ADARB2: variants seen among roughly 807,000 people sequenced by gnomAD.
The protein encoded by ADARB2 is adenosine deaminase RNA specific B2 (inactive).
A neutral mutation model predicts 62.2 loss-of-function variants in ADARB2; 25 were observed. The ratio of observed to expected loss-of-function variants is 0.40; its 90% CI spans 0.29 to 0.56. ADARB2 has a LOEUF of 0.56. Ranked by LOEUF, ADARB2 falls within the 20% of genes least tolerant of loss-of-function variation. The pLI is 0.43. For synonymous variants in ADARB2, 572 were observed against 500.8 expected (o/e 1.14, Z -1.90); for missense variants, 1,071 against 1,077.4 (o/e 0.99, Z 0.08).
intron 3 of ADARB2, among the ~76,000 whole-genome samples, chr10:1,288,649 T>C (rs1191486512): frequency 1.3e-5 from 2 of 152,210 alleles, no homozygotes; most frequent in Non-Finnish European, 2.9e-5. Flanking sequence ...GAGATGAGCC[T>C]GCAGGTAGGA....
At chr10:1,444,051 A>G (rs1830932910) in intron 1 of ADARB2, among the ~76,000 whole-genome samples, 1 of 149,584 alleles carries the variant, frequency 6.7e-6, no homozygotes, top group South Asian at 2.1e-4. Context: ...CTATCCATCC[A>G]TGCACCCACA....
At chr10:1,344,415 G>A (rs1832059589) in intron 3 of ADARB2, among the ~76,000 whole-genome samples, 1 of 152,202 alleles carries the variant, frequency 6.6e-6, no homozygotes, top group South Asian at 2.1e-4. Context: ...ATTTTTCCTG[G>A]TGTTGTTTGG....
intron 3 of ADARB2, among the ~76,000 whole-genome samples, chr10:1,337,988 G>A (rs1034597487): frequency 6.6e-6 from 1 of 152,162 alleles, no homozygotes; most frequent in Admixed American, 6.5e-5. Context: ...TGCTTCTCAT[G>A]GCATCATTTA....
chr10:1,671,688 G>A (rs1230898335), intron 1 of ADARB2, among the ~76,000 whole-genome samples: 1 of 151,960 alleles, frequency 6.6e-6, no homozygotes, highest in Non-Finnish European at 1.5e-5. Flanking sequence ...CAGAGCATCG[G>A]TGCCACCTTT....
chr10:1,242,229 G>A lies in ADARB2; in HGVS notation c.1263C>T (p.Leu421=), dbSNP rs1465736110. The A allele has an allele frequency of 6.2e-7, 1 of 1,602,770 alleles. No homozygotes were observed. The highest frequency in any genetic ancestry group is 8.5e-7 in the Non-Finnish European group (1 of 1,175,924). Residue 421 remains leucine, a synonymous_variant, in exon 5 of 10, where the codon CTC becomes CTT. Transcript: ENST00000381312. The part of the protein sequence containing the change: ...SGTKCISGEH[L]SDQGLVVNDC... ...CATTCACCACCAGCCCCTGGTCACT[G>A]AGGTGCTCGCCGCTGATGCACTTGG...
chr10:1,514,471 T>G (rs1208277089), intron 1 of ADARB2, among the ~76,000 whole-genome samples: 2 of 152,030 alleles, frequency 1.3e-5, no homozygotes, highest in Non-Finnish European at 2.9e-5. Flanking sequence ...ATGCCCATTA[T>G]CTGGGATGTA....
chr10:1,705,636 G>A (rs773488848), intron 1 of ADARB2, among the ~76,000 whole-genome samples: 10 of 152,172 alleles, frequency 6.6e-5, no homozygotes, highest in Non-Finnish European at 1.2e-4. Context: ...TGCAGGGTGC[G>A]GCAATTAAGG....
Position 1,737,228 on chromosome 10 carries a change from G to T in ADARB2, c.-78C>A. On this transcript the variant is annotated 5_prime_UTR_variant, in exon 1 of 10. Coordinates refer to ENST00000381312, the MANE Select transcript of ADARB2 (RefSeq NM_018702.4). ...TGCCTCCTTCCCGGCAGCCGCCGCC[G>T]CCGCTGCTGCGAAGCTTGAGGTTGC... The T allele has an allele frequency of 6.8e-7, 1 of 1,480,064 alleles. No homozygotes were observed. Among genetic ancestry groups the T allele is most frequent in the Non-Finnish European group, 9.3e-7 (1 of 1,075,012 alleles). 91.7% of individuals were successfully genotyped at this position (1,480,064 alleles called of 1,614,324 possible). A position where few individuals can be genotyped will look rare whatever the true frequency, so the allele number is the denominator to read the frequency against.
intron 3 of ADARB2, among the ~76,000 whole-genome samples, chr10:1,350,939 T>C (rs1224732283): frequency 2.6e-5 from 4 of 152,110 alleles, no homozygotes; most frequent in Admixed American, 6.5e-5. Context: ...ACCCCCGCCA[T>C]ATCTCCAGCA....
At chr10:1,676,346 A>G (rs150288979) in intron 1 of ADARB2, among the ~76,000 whole-genome samples, 89 of 152,296 alleles carry the variant, frequency 5.8e-4, no homozygotes, top group African/African-American at 2.1e-3. Flanking sequence ...GCTTCCTTAG[A>G]TAGTCCTGGC....
rs201610271 is a variant in ADARB2, at chr10:1,568,899, T to C, written c.100+168152A>G. On this transcript the variant is annotated intron_variant, in intron 1 of 9. Transcript: ENST00000381312. ...GAATCCCCCATTTGTCTTGAGCCTC[T>C]GTGGCTAGTTCAGTTCCCCAAGTGA... Among the ~76,000 whole-genome samples, 19 of 152,280 alleles carry C rather than the reference T, an allele frequency of 1.2e-4. No individual in the cohort carries two copies. In the East Asian group the frequency reaches 3.7e-3, roughly 29 times the overall value.
chr10:1,576,809 G>A lies in ADARB2; in HGVS notation c.100+160242C>T, dbSNP rs552086254. On this transcript the variant is annotated intron_variant, in intron 1 of 9. Transcript: ENST00000381312. ...GGCTGCAAAACACATTGAAGGTGGA[G>A]GATGAGGAGGGGCGTGTGGACTTCG... Among the ~76,000 whole-genome samples the A allele has an allele frequency of 7.9e-5, 12 of 151,902 alleles. No homozygotes were observed. The East Asian group carries it at 2.1e-3, about 27-fold the overall frequency.
intron 1 of ADARB2, among the ~76,000 whole-genome samples, chr10:1,708,512 A>G (rs369473219): frequency 1.6e-3 from 239 of 152,312 alleles, no homozygotes; most frequent in African/African-American, 4.8e-3. Context: ...CTGTGCTGGC[A>G]GACAACAAGA....
intron 1 of ADARB2, among the ~76,000 whole-genome samples, chr10:1,653,394 G>A (rs894272201): frequency 1.3e-5 from 2 of 152,220 alleles, no homozygotes; most frequent in Admixed American, 6.5e-5. Context: ...GGGGCATGAA[G>A]AGGCTGGGGT....
chr10:1,370,624 T>C (rs1832360847), intron 2 of ADARB2, among the ~76,000 whole-genome samples: 2 of 152,234 alleles, frequency 1.3e-5, no homozygotes, highest in African/African-American at 2.4e-5. Context: ...ACAAAATCAA[T>C]GTATAAAAAT....
At chr10:1,706,222 C>T (rs1834888681) in intron 1 of ADARB2, among the ~76,000 whole-genome samples, 1 of 152,212 alleles carries the variant, frequency 6.6e-6, no homozygotes, top group African/African-American at 2.4e-5. Context: ...TGCTTTTTCT[C>T]TCCTGAGTAG....
chr10:1,532,799 G>A (rs1384564611), intron 1 of ADARB2, among the ~76,000 whole-genome samples: 1 of 152,224 alleles, frequency 6.6e-6, no homozygotes, highest in Non-Finnish European at 1.5e-5. Context: ...GAGGGCACAG[G>A]CAGGAGCCTG....
intron 1 of ADARB2, among the ~76,000 whole-genome samples, chr10:1,580,495 T>C (rs565705733): frequency 7.2e-6 from 1 of 138,340 alleles, no homozygotes; most frequent in African/African-American, 2.6e-5. Flanking sequence ...AGAAAATTTG[T>C]CTTAAGGCTT....
intron 1 of ADARB2, among the ~76,000 whole-genome samples, chr10:1,580,275 C>A (rs1833078998): frequency 1.3e-5 from 2 of 152,276 alleles, no homozygotes; most frequent in South Asian, 4.1e-4. Context: ...CTCCTGCCCT[C>A]CACCATCAAG....
Sources: allele counts gnomAD v4.1 joint callset (sites outside exome capture counted in the v4.1 genomes callset), GRCh38; gene constraint gnomAD v4.1.1; transcripts MANE v1.5; gene names NCBI Gene and HGNC (gene_info 2026-07-23, HGNC 2026-07-21).